SLC25A28: variants seen among roughly 807,000 people sequenced by gnomAD.
The protein encoded by SLC25A28 is solute carrier family 25 member 28, also known as mitoferrin-2.
In SLC25A28, 10 loss-of-function variants were observed where a neutral mutation model predicts 31.9. The observed-to-expected ratio is 0.31, with a 90% confidence interval of 0.19 to 0.53. SLC25A28 has a LOEUF of 0.53. Ranked by LOEUF, SLC25A28 falls within the 20% of genes least tolerant of loss-of-function variation. The pLI is 0.95. For synonymous variants in SLC25A28, 208 were observed against 203.6 expected (o/e 1.02, Z -0.19); for missense variants, 256 against 490.3 (o/e 0.52, Z 4.51).
intron 1 of SLC25A28, chr10:99,617,331 A>T: frequency 1.0e-6 from 1 of 985,430 alleles, no homozygotes; most frequent in Non-Finnish European, 1.2e-6. Flanking sequence ...CTGACTTCTC[A>T]TGGTCCCTCT....
the SLC25A28 span, among the ~76,000 whole-genome samples, chr10:99,650,531 C>T: frequency 6.6e-6 from 1 of 151,982 alleles, no homozygotes; most frequent in South Asian, 2.1e-4. Flanking sequence ...TGTAGCCCAA[C>T]ATTAAACTCT....
At position 99,620,383 on chromosome 10, in the gene SLC25A28, T is replaced by TGCC. The variant is rs1353379432; in HGVS notation, c.-51_-49dup. 7,137 of 919,730 alleles carry TGCC rather than the reference T, an allele frequency of 7.8e-3. 30 individuals carry two copies. The highest frequency in any genetic ancestry group is 8.5e-3 in the Non-Finnish European group (6,774 of 796,566). 57.0% of individuals were successfully genotyped at this position (919,730 alleles called of 1,614,324 possible). On this transcript the variant is annotated 5_prime_UTR_variant, in exon 1 of 4. Coordinates refer to ENST00000370495, the MANE Select transcript of SLC25A28 (RefSeq NM_031212.4). ...CCACCCCCGCCGCCGCTGCCACCAC[T>TGCC]GCCGCCGCCGCCCCCCGGCCCCGTA...
chr10:99,647,430 T>A, the SLC25A28 span, among the ~76,000 whole-genome samples: 1 of 152,258 alleles, frequency 6.6e-6, no homozygotes, highest in African/African-American at 2.4e-5. Context: ...GAACACTTTT[T>A]CTTATATTCT....
At chr10:99,654,714 C>A in the SLC25A28 span, among the ~76,000 whole-genome samples, 10 of 152,242 alleles carry the variant, frequency 6.6e-5, no homozygotes, top group Non-Finnish European at 1.5e-4. Flanking sequence ...AGGGGGCCTT[C>A]TCTTCTTTTT....
Position 99,613,650 on chromosome 10 carries a change from CAA to C in SLC25A28, c.520+44_520+45del. 2 of 1,613,608 alleles carry C rather than the reference CAA, an allele frequency of 1.2e-6. No homozygotes were observed. Among genetic ancestry groups the C allele is most frequent in the African/African-American group, 1.3e-5 (1 of 75,028 alleles). ...GGAAAGCACTGACAGCAGCAAAGCC[CAA>C]AGAGTTGGGAAAGTGGGGGAACCAG... On this transcript the variant is annotated intron_variant, in intron 2 of 3. Coordinates refer to ENST00000370495, the MANE Select transcript of SLC25A28 (RefSeq NM_031212.4). This position sits in a 1 kb window ranked among gnomAD's most constrained non-coding sequence, Gnocchi z 4.9.
chr10:99,621,091 C>T (rs1013333881), upstream of SLC25A28: 13 of 636,130 alleles, frequency 2.0e-5, no homozygotes, highest in East Asian at 1.4e-4. Context: ...TGGCGCGACC[C>T]GCAGCCTGTC....
At chr10:99,654,813 A>G in the SLC25A28 span, among the ~76,000 whole-genome samples, 2 of 152,242 alleles carry the variant, frequency 1.3e-5, no homozygotes, top group African/African-American at 4.8e-5. Flanking sequence ...AGGCACAATC[A>G]TAACATGCAT....
At chr10:99,623,714 G>A (rs538129911), upstream of SLC25A28, among the ~76,000 whole-genome samples, 6 of 152,306 alleles carry the variant, frequency 3.9e-5, no homozygotes, top group East Asian at 1.2e-3. Flanking sequence ...TACGAGGGAA[G>A]CACAAGAGTC....
intron 3 of SLC25A28, among the ~76,000 whole-genome samples, chr10:99,612,054 T>C (rs2034535398): frequency 6.6e-6 from 1 of 152,204 alleles, no homozygotes; most frequent in African/African-American, 2.4e-5. Flanking sequence ...TTGGAGAATT[T>C]TCCTCCGACT....
upstream of SLC25A28, chr10:99,620,604 T>G: frequency 2.0e-6 from 2 of 1,003,526 alleles, no homozygotes; most frequent in Non-Finnish European, 2.4e-6. Context: ...AGCGCCTACA[T>G]CCCACCTTTT....
chr10:99,620,287 C>T lies in SLC25A28; in HGVS notation c.49G>A (p.Ala17Thr), dbSNP rs1257128827. ...TCCCCGGGGCTCCGCCCGGGCCCTG[C>T]CGCCGGCCCCCCCGCCACACCGCCA... Reference protein sequence around the residue: ...GAGGVAGGPAAGPGRSPGESA... With the variant: ...GAGGVAGGPATGPGRSPGESA... Residue 17 changes from alanine (A) to threonine (T), a missense_variant, in exon 1 of 4, where the codon GCA becomes ACA. Around this residue, in one of 4 missense-constraint regions of SLC25A28, gnomAD observed 47 missense variants for 41.4 expected, o/e 1.14. Coordinates refer to ENST00000370495, the MANE Select transcript of SLC25A28 (RefSeq NM_031212.4). 2 of 1,184,946 alleles carry T rather than the reference C, an allele frequency of 1.7e-6. No homozygotes were observed. Among genetic ancestry groups the T allele is most frequent in the Non-Finnish European group, 1.0e-6 (1 of 958,324 alleles). The allele number at this position is 1,184,946 out of a possible 1,614,324, so 73.4% of individuals were successfully genotyped here.
intron 1 of SLC25A28, chr10:99,616,291 T>C (rs2034652638): frequency 1.1e-5 from 9 of 833,860 alleles, no homozygotes; most frequent in Non-Finnish European, 1.2e-5. Context: ...CTTGGGTATG[T>C]CACTTAACCT....
At chr10:99,644,465 C>A in the SLC25A28 span, among the ~76,000 whole-genome samples, 1 of 152,018 alleles carries the variant, frequency 6.6e-6, no homozygotes, top group Non-Finnish European at 1.5e-5. Flanking sequence ...TGTCTCTGCC[C>A]GTGAGATGGG....
chr10:99,611,298 ACACTGC>A lies in SLC25A28; in HGVS notation c.640_645del (p.Ala214_Val215del). 2 of 1,614,106 alleles carry A rather than the reference ACACTGC, an allele frequency of 1.2e-6. No homozygotes were observed. The highest frequency in any genetic ancestry group is 1.7e-6 in the Non-Finnish European group (2 of 1,180,016). On this transcript the variant is annotated inframe_deletion, in exon 4 of 4. Coordinates refer to ENST00000370495, the MANE Select transcript of SLC25A28 (RefSeq NM_031212.4). This position sits in a 1 kb window ranked among gnomAD's most constrained non-coding sequence, Gnocchi z 5.5. ...AAGGCCCCGGCCCCTTCATTTTGCC[ACACTGC>A]CCGTACACAGTCTGTCACCCGGTGG...
chr10:99,617,066 T>A (rs2034674728), intron 1 of SLC25A28: 1 of 985,350 alleles, frequency 1.0e-6, no homozygotes, highest in Non-Finnish European at 1.2e-6. Context: ...GCTCTTCCCC[T>A]CTTTATTATA....
the SLC25A28 span, among the ~76,000 whole-genome samples, chr10:99,627,384 T>C: frequency 6.6e-6 from 1 of 152,150 alleles, no homozygotes; most frequent in East Asian, 1.9e-4. Flanking sequence ...CATTTATCCT[T>C]TGAGCTATAA....
At chr10:99,657,187 G>T in the SLC25A28 span, among the ~76,000 whole-genome samples, 2 of 151,992 alleles carry the variant, frequency 1.3e-5, no homozygotes, top group African/African-American at 4.8e-5. Context: ...TTAAAAATAG[G>T]AATTATACTT....
chr10:99,637,306 T>C, the SLC25A28 span, among the ~76,000 whole-genome samples: 2 of 152,190 alleles, frequency 1.3e-5, no homozygotes, highest in South Asian at 2.1e-4. Context: ...ATAAAAGCCA[T>C]CTATGACAAA....
chr10:99,643,466 T>C, the SLC25A28 span, among the ~76,000 whole-genome samples: 1 of 152,186 alleles, frequency 6.6e-6, no homozygotes, highest in African/African-American at 2.4e-5. Context: ...TTTTCTTCTT[T>C]ATTAGTCTTG....
Sources: gnomAD v4.1 joint callset for allele counts (sites outside exome capture counted in the v4.1 genomes callset) on GRCh38, gnomAD v4.1.1 for gene constraint, gnomAD v4.1.1 regional missense constraint, Gnocchi (gnomAD v3.1) non-coding constraint, MANE v1.5 for transcripts, NCBI Gene and HGNC (gene_info 2026-07-23, HGNC 2026-07-21) for gene names.